Variants in COG4 observed in about 807,000 individuals in gnomAD.
COG4 encodes component of oligomeric golgi complex 4, also known as conserved oligomeric Golgi complex subunit 4.
Under a neutral mutation model 95.1 loss-of-function variants are expected in COG4, and 65 were observed. That is an observed-to-expected ratio of 0.68 (90% CI 0.56 to 0.84). COG4 has a LOEUF of 0.84. Ranked by LOEUF, COG4 falls within the 40% of genes least tolerant of loss-of-function variation. The pLI, the probability that COG4 is intolerant of heterozygous loss-of-function variation, is 0.00. For synonymous variants in COG4, 421 were observed against 374.8 expected, an observed-to-expected ratio of 1.12 and a Z score of -1.42; for missense variants, 1,045 against 989.1, an observed-to-expected ratio of 1.06 and a Z score of -0.76.
chr16:70,488,770 C>G (rs922648906), intron 13 of COG4, among the ~76,000 whole-genome samples: 1 of 152,000 alleles, frequency 6.6e-6, no homozygotes, highest in Non-Finnish European at 1.5e-5. Context: ...AGACCGGTCT[C>G]GAATTCCTGA....
intron 1 of COG4, chr16:70,523,121 AG>A (rs2049987725): frequency 3.6e-6 from 2 of 550,422 alleles, no homozygotes; most frequent in East Asian, 6.3e-5. Context: ...ATCATGGATC[AG>A]GGAAATCAAC....
intron 8 of COG4, among the ~76,000 whole-genome samples, chr16:70,507,046 G>A (rs570605579): frequency 3.9e-5 from 6 of 151,906 alleles, no homozygotes; most frequent in Non-Finnish European, 2.9e-5. Context: ...GCAAAACCTC[G>A]TCTCTACAAA....
At chr16:70,504,377 C>T (rs1192933867) in intron 8 of COG4, among the ~76,000 whole-genome samples, 6 of 152,152 alleles carry the variant, frequency 3.9e-5, no homozygotes, top group Admixed American at 1.3e-4. Context: ...GAGGCTGAGG[C>T]GGGCAGATCA....
chr16:70,502,896 G>A (rs189275154), intron 8 of COG4, among the ~76,000 whole-genome samples: 87 of 152,222 alleles, frequency 5.7e-4, no homozygotes, highest in Non-Finnish European at 1.1e-3. Flanking sequence ...TTCAATGAGC[G>A]CTAGGACAAT....
intron 3 of COG4, chr16:70,515,958 CA>C (rs2049813791): frequency 2.2e-6 from 1 of 455,306 alleles, no homozygotes; most frequent in Non-Finnish European, 4.4e-6. Flanking sequence ...CATGAGCCAC[CA>C]CACCTGGCCA....
At chr16:70,490,299 GC>G in intron 13 of COG4, 30 bp downstream of exon 13, 1 of 1,570,074 alleles carries the variant, frequency 6.4e-7, no homozygotes. Context: ...AAAGATGGCT[GC>G]TGACCACTGA....
intron 8 of COG4, among the ~76,000 whole-genome samples, chr16:70,503,595 CTT>C (rs67706790): frequency 4.8e-5 from 6 of 125,692 alleles, no homozygotes; most frequent in African/African-American, 4.6e-5. Context: ...CCTACTTACT[CTT>C]TTTTTTTTTT....
chr16:70,517,779 G>T, intron 2 of COG4, 39 bp from the exon 3 acceptor site: 3 of 1,405,534 alleles, frequency 2.1e-6, no homozygotes, highest in Non-Finnish European at 3.0e-6. Context: ...TAACGATAGG[G>T]CAGAGAAGAG....
chr16:70,510,740 T>C (rs935696906), intron 5 of COG4, among the ~76,000 whole-genome samples: 7 of 150,344 alleles, frequency 4.7e-5, no homozygotes, highest in African/African-American at 1.7e-4. Context: ...AGTATACTGA[T>C]AAAAAAAGTA....
At chr16:70,503,404 A>T (rs960184169) in intron 8 of COG4, among the ~76,000 whole-genome samples, 6 of 151,940 alleles carry the variant, frequency 3.9e-5, no homozygotes, top group African/African-American at 1.5e-4. Flanking sequence ...TAGTTTCCAT[A>T]CCTCTCAGAA....
rs1362144106 is a variant in COG4, at chr16:70,481,770, A to C, written c.2100T>G (p.Phe700Leu). 6.2e-7 allele frequency: 1 copy of C among 1,613,584 alleles called. No individual in the cohort carries two copies. Among genetic ancestry groups the C allele is most frequent in the Non-Finnish European group, 8.5e-7 (1 of 1,179,594 alleles). Reference protein sequence around the residue: ...ELEKVVLKSTFNRLGGLQFDK... With the variant: ...ELEKVVLKSTLNRLGGLQFDK... ...CATGACCCCTTTACCTTACCCGGTTAAAGGTGGATTTCAGCACCACTTTCT... is the reference window on the plus strand; with the variant it reads ...CATGACCCCTTTACCTTACCCGGTTCAAGGTGGATTTCAGCACCACTTTCT... Residue 700 changes from phenylalanine (F) to leucine (L), a missense_variant, in exon 17 of 19, where the codon TTT (phenylalanine) becomes TTG (leucine). Physicochemically the swap from Phe to Leu is conservative, Grantham distance 22. Coordinates refer to ENST00000323786, the MANE Select transcript of COG4 (RefSeq NM_015386.3).
chr16:70,481,709 A>G (rs1460954302), intron 17 of COG4, 55 bp downstream of exon 17: 2 of 1,500,660 alleles, frequency 1.3e-6, no homozygotes, highest in Non-Finnish European at 1.9e-6. Flanking sequence ...GTGGCATGAC[A>G]TGTCTTCCTC....
intron 7 of COG4, chr16:70,508,700 G>A (rs2049632126): frequency 3.1e-6 from 2 of 654,402 alleles, no homozygotes; most frequent in Non-Finnish European, 5.6e-6. Flanking sequence ...TGCTAATGGT[G>A]TTCCAATAGA....
In COG4 at chr16:70,509,383, C is replaced by T; in HGVS notation, c.850G>A (p.Ala284Thr). Residue 284 changes from alanine to threonine, a missense_variant, in exon 7 of 19, where the codon GCC becomes ACC. Physicochemically the swap from Ala to Thr is moderately conservative, Grantham distance 58. Coordinates refer to ENST00000323786, the MANE Select transcript of COG4 (RefSeq NM_015386.3). ...GGCTGGTGGGTCTCCACAATGCGGG[C>T]AATCCCTAGAAGGGAGGAAGCAATA... Reference protein sequence around the residue: ...DTLTLLFEGIARIVETHQPIV... With the variant: ...DTLTLLFEGITRIVETHQPIV... 1 of 1,614,178 alleles carries T rather than the reference C, an allele frequency of 6.2e-7. No homozygotes were observed. Among genetic ancestry groups the T allele is most frequent in the Non-Finnish European group, 8.5e-7 (1 of 1,180,012 alleles).
chr16:70,491,685 G>A (rs1273553926), intron 12 of COG4, among the ~76,000 whole-genome samples: 3 of 151,422 alleles, frequency 2.0e-5, no homozygotes, highest in Admixed American at 6.6e-5. Context: ...TTAGCCAGGC[G>A]TGGTGGCGGG....
In COG4 at chr16:70,519,707, C is replaced by G; in HGVS notation, c.196G>C (p.Ala66Pro). 6.2e-7 allele frequency: 1 copy of G among 1,613,756 alleles called. No homozygotes were observed. The highest frequency in any genetic ancestry group is 8.5e-7 in the Non-Finnish European group (1 of 1,179,762). Residue 66 changes from alanine to proline, a missense_variant, in exon 2 of 19, where the codon GCT becomes CCT. Transcript: ENST00000323786. ...EEKVVERELD[A>P]LLEQQNTIES... ...ATGGTGTTTTGCTGTTCCAAAAGAG[C>G]ATCCAGCTCTCTCTCCACCACTTTC...
intron 8 of COG4, among the ~76,000 whole-genome samples, chr16:70,506,627 A>AAAAAAAAAAAT (rs1405431900): frequency 7.3e-6 from 1 of 137,248 alleles, no homozygotes; most frequent in Non-Finnish European, 1.5e-5. Context: ...ACAAAAAAAA[A>AAAAAAAAAAAT]AACATTTAGC....
Position 70,481,447 on chromosome 16 carries a change from A to T in COG4, c.2147T>A (p.Ile716Asn). 1 of 1,613,108 alleles carries T rather than the reference A, an allele frequency of 6.2e-7. No homozygotes were observed. The highest frequency in any genetic ancestry group is 1.1e-5 in the South Asian group (1 of 91,080). The change falls in exon 18 of 19, where the codon ATT (isoleucine) becomes AAT (asparagine). Residue 716 changes from isoleucine (I) to asparagine (N), a missense_variant. By Grantham distance (149) the Ile-to-Asn change is moderately radical. Transcript: ENST00000323786. ...GGTGGTCACCGTGGTAAGGTAGGCA[A>T]TGAGCGACCTCAGCTCCTTGTCAAA... ...LQFDKELRSL[I>N]AYLTTVTTWT...
At chr16:70,521,507 A>T (rs60757048) in intron 1 of COG4, among the ~76,000 whole-genome samples, 1 of 151,912 alleles carries the variant, frequency 6.6e-6, no homozygotes, top group African/African-American at 2.4e-5. Context: ...CAGGCATGAG[A>T]CACCAAGCCC....
Sources: gnomAD v4.1 joint callset for allele counts (sites outside exome capture counted in the v4.1 genomes callset) on GRCh38, gnomAD v4.1.1 for gene constraint, MANE v1.5 for transcripts, NCBI Gene and HGNC (gene_info 2026-07-23, HGNC 2026-07-21) for gene names.